Variants in GARIN4 observed in about 807,000 individuals in gnomAD.
GARIN4 encodes the protein golgi associated RAB2 interactor family member 4.
the GARIN4 span, chr1:212,625,768 T>C: frequency 1.2e-6 from 2 of 1,613,766 alleles, no homozygotes; most frequent in Non-Finnish European, 1.7e-6. Context: ...GTGCCTTGAG[T>C]GTGGCAGCAG....
chr1:212,626,069 C>A, the GARIN4 span: 4 of 1,614,042 alleles, frequency 2.5e-6, no homozygotes, highest in African/African-American at 5.3e-5. Context: ...CGTCTCCACC[C>A]GGCAGAGCAA....
the GARIN4 span, chr1:212,626,173 T>G: frequency 6.2e-7 from 1 of 1,613,868 alleles, no homozygotes. Context: ...AGGACAGGGC[T>G]CTCGGAAGGA....
the GARIN4 span, chr1:212,625,249 G>A: frequency 1.2e-6 from 2 of 1,614,192 alleles, no homozygotes; most frequent in Non-Finnish European, 1.7e-6. Flanking sequence ...TTCTGCCCCT[G>A]AGGTTTGTAC....
chr1:212,626,764 A>G, the GARIN4 span: 670 of 1,478,802 alleles, frequency 4.5e-4, no homozygotes, highest in Middle Eastern at 5.6e-4. Flanking sequence ...ATAAAGAATC[A>G]TACATCTGAA....
chr1:212,625,706 GA>G, the GARIN4 span: 21 of 1,614,088 alleles, frequency 1.3e-5, no homozygotes, highest in Non-Finnish European at 1.8e-5. Flanking sequence ...GGGGATTAAA[GA>G]GGCAGCAGCA....
At chr1:212,626,117 C>G in the GARIN4 span, 10 of 1,614,004 alleles carry the variant, frequency 6.2e-6, no homozygotes, top group Middle Eastern at 1.6e-4. Context: ...GGAGCGAACC[C>G]AGGCCAGCGC....
the GARIN4 span, chr1:212,625,355 C>T: frequency 5.9e-5 from 96 of 1,614,132 alleles, no homozygotes; most frequent in South Asian, 1.1e-4. Flanking sequence ...TCTTGACACA[C>T]GGGATGACCT....
the GARIN4 span, chr1:212,626,345 C>T: frequency 6.2e-7 from 1 of 1,614,194 alleles, no homozygotes; most frequent in Non-Finnish European, 8.5e-7. Context: ...CAGGGACTCG[C>T]ATAAAGGTGT....
the GARIN4 span, chr1:212,626,656 C>T: frequency 1.3e-6 from 2 of 1,594,996 alleles, no homozygotes; most frequent in South Asian, 2.3e-5. Flanking sequence ...CCTTTGAAGC[C>T]CATTAAATAA....
At chr1:212,626,676 C>T in the GARIN4 span, 1 of 1,573,868 alleles carries the variant, frequency 6.4e-7, no homozygotes, top group Non-Finnish European at 8.6e-7. Flanking sequence ...AGACCCAGAG[C>T]TGGAAGCTGC....
the GARIN4 span, chr1:212,625,523 C>G: frequency 1.9e-6 from 3 of 1,614,070 alleles, no homozygotes; most frequent in African/African-American, 4.0e-5. Context: ...AAAGGGGGAT[C>G]AGGACCAGGT....
At chr1:212,625,202 A>G in the GARIN4 span, 3 of 1,614,102 alleles carry the variant, frequency 1.9e-6, no homozygotes, top group Non-Finnish European at 2.5e-6. Context: ...CAAGAGAAAA[A>G]AACGCAAGGC....
chr1:212,624,715 C>A, the GARIN4 span: 1 of 1,367,684 alleles, frequency 7.3e-7, no homozygotes, highest in Non-Finnish European at 9.5e-7. Flanking sequence ...CTGGGAGGCT[C>A]TGAGGCAACA....
chr1:212,626,377 G>A, the GARIN4 span: 4 of 1,614,076 alleles, frequency 2.5e-6, no homozygotes. Context: ...CCATCTCAAA[G>A]GAGTCCAGGA....
chr1:212,625,668 C>T, the GARIN4 span: 1 of 1,614,038 alleles, frequency 6.2e-7, no homozygotes, highest in Non-Finnish European at 8.5e-7. Context: ...AAAACATCTA[C>T]AGAACTTGCT....
chr1:212,625,374 A>G, the GARIN4 span: 1 of 1,614,226 alleles, frequency 6.2e-7, no homozygotes, highest in South Asian at 1.1e-5. Context: ...CTCTTTGCCT[A>G]TTGGGAAAAA....
At chr1:212,626,067 C>A in the GARIN4 span, 4 of 1,614,028 alleles carry the variant, frequency 2.5e-6, no homozygotes, top group African/African-American at 5.3e-5. Context: ...CCCGTCTCCA[C>A]CCGGCAGAGC....
At chr1:212,625,806 C>T in the GARIN4 span, 1 of 1,614,188 alleles carries the variant, frequency 6.2e-7, no homozygotes. Context: ...CAGGTGAGCG[C>T]AGCCATAGCT....
chr1:212,626,192 C>T, the GARIN4 span: 113 of 1,614,042 alleles, frequency 7.0e-5, no homozygotes, highest in Middle Eastern at 9.9e-4. Flanking sequence ...GAGTTCCCAT[C>T]GCCGCAGGAC....
Sources: allele counts gnomAD v4.1 joint callset, GRCh38; gene constraint gnomAD v4.1.1; transcripts MANE v1.5; gene names NCBI Gene and HGNC (gene_info 2026-07-23, HGNC 2026-07-21).